LUZP1: variants seen among roughly 807,000 people sequenced by gnomAD.
LUZP1 encodes filamin mechanobinding actin cross-linking protein.
LUZP1 carries 25 observed loss-of-function variants against 71.3 expected under a neutral mutation model. The ratio of observed to expected loss-of-function variants is 0.35; its 90% CI spans 0.26 to 0.49. The LOEUF (loss-of-function observed/expected upper bound fraction) is 0.49. LUZP1 is among the 20% of genes least tolerant of loss of function. The pLI is 0.99. For synonymous variants in LUZP1, 481 were observed against 506.4 expected, an observed-to-expected ratio of 0.95 and a Z score of 0.67; for missense variants, 1,142 against 1,300.8, an observed-to-expected ratio of 0.88 and a Z score of 1.88.
At chr1:23,132,249 A>T (rs1199712857) in intron 2 of LUZP1, among the ~76,000 whole-genome samples, 1 of 152,150 alleles carries the variant, frequency 6.6e-6, no homozygotes, top group Admixed American at 6.5e-5. Flanking sequence ...CTAATTTCTT[A>T]CTTTTTCAAT....
chr1:23,090,770 C>A, intron 4 of LUZP1: 1 of 682,060 alleles, frequency 1.5e-6, no homozygotes. Context: ...TGACCTGGCT[C>A]CCCCTCACTG....
chr1:23,147,486 T>C (rs965704982), intron 2 of LUZP1, among the ~76,000 whole-genome samples: 1 of 150,790 alleles, frequency 6.6e-6, no homozygotes, highest in African/African-American at 2.4e-5. Context: ...TTTAAGAAAG[T>C]TGGCCAAAGC....
At chr1:23,117,834 G>T (rs1319118592) in intron 2 of LUZP1, among the ~76,000 whole-genome samples, 1 of 152,152 alleles carries the variant, frequency 6.6e-6, no homozygotes, top group Non-Finnish European at 1.5e-5. Flanking sequence ...GCTCACGGCT[G>T]TAATCCCAGC....
At chr1:23,135,469 T>C (rs186919049) in intron 2 of LUZP1, among the ~76,000 whole-genome samples, 4 of 152,332 alleles carry the variant, frequency 2.6e-5, no homozygotes, top group East Asian at 1.9e-4. Flanking sequence ...TCCAAGAGAA[T>C]TGTATTTGTG....
intron 2 of LUZP1, among the ~76,000 whole-genome samples, chr1:23,117,489 C>G (rs1557653837): frequency 1.1e-4 from 7 of 66,260 alleles, no homozygotes; most frequent in African/African-American, 2.1e-4. Context: ...CCCCCCCCCC[C>G]CCACAATCAG....
intron 2 of LUZP1, among the ~76,000 whole-genome samples, chr1:23,129,683 C>T (rs758476805): frequency 4.6e-5 from 7 of 152,180 alleles, no homozygotes; most frequent in African/African-American, 1.2e-4. Context: ...CAATCCATCT[C>T]GCAACAAAAT....
exon 4 of LUZP1, chr1:23,092,241 A>T (rs765025015): frequency 5.0e-6 from 8 of 1,613,994 alleles, no homozygotes; most frequent in Non-Finnish European, 5.9e-6. Context: ...GGTTGTATTT[A>T]CCAACTTGGC....
At chr1:23,140,940 T>C (rs1003172800) in intron 2 of LUZP1, 4 of 152,476 alleles carry the variant, frequency 2.6e-5, no homozygotes, top group Admixed American at 2.6e-4. Flanking sequence ...CCCAATCCAA[T>C]GCTCAAGCAC....
intron 2 of LUZP1, among the ~76,000 whole-genome samples, chr1:23,111,377 G>T (rs947931661): frequency 5.3e-5 from 8 of 149,956 alleles, no homozygotes; most frequent in South Asian, 2.1e-4. Flanking sequence ...AACAAAGCAA[G>T]GCCCCCATCT....
Position 23,093,920 on chromosome 1 carries a change from C to G in LUZP1, c.342G>C (p.Gln114His), listed in dbSNP as rs756496173. 6.2e-7 allele frequency: 1 copy of G among 1,614,212 alleles called. No individual in the cohort carries two copies. The highest frequency in any genetic ancestry group is 2.2e-5 in the East Asian group (1 of 44,886). The change falls in exon 4 of 5, where the codon CAG (glutamine) becomes CAC (histidine). Residue 114 changes from glutamine (Q) to histidine (H), a missense_variant. Gln to His is a conservative substitution (Grantham distance 24). Coordinates refer to ENST00000302291, the Ensembl canonical transcript of LUZP1. This position sits in a 1 kb window ranked among gnomAD's most constrained non-coding sequence, Gnocchi z 4.2. ...GCTTCTCTAATTCAGCCATTCGTTT[C>G]TGAAGCCGCTCAATCTCAGATTTCA... is the stretch of plus-strand genomic sequence containing the variant.
exon 2 of LUZP1, chr1:23,168,824 G>C (rs1036286100): frequency 1.3e-5 from 2 of 152,776 alleles, no homozygotes; most frequent in African/African-American, 2.4e-5. Context: ...AGCTGCCAGC[G>C]ACCGGCGCCT....
intron 2 of LUZP1, among the ~76,000 whole-genome samples, chr1:23,150,041 A>C (rs1412797868): frequency 6.6e-6 from 1 of 152,004 alleles, no homozygotes; most frequent in African/African-American, 2.4e-5. Context: ...AAAAGGCAGA[A>C]AATTTTTATT....
intron 3 of LUZP1, among the ~76,000 whole-genome samples, chr1:23,103,902 G>GGGA (rs1643956906): frequency 4.1e-4 from 1 of 2,410 alleles, no homozygotes; most frequent in Non-Finnish European, 1.3e-3. Context: ...GAGGGAGGGA[G>GGGA]GGGGGAAGGA....
At chr1:23,132,485 T>C (rs1644222686) in intron 2 of LUZP1, among the ~76,000 whole-genome samples, 1 of 149,648 alleles carries the variant, frequency 6.7e-6, no homozygotes, top group African/African-American at 2.5e-5. Flanking sequence ...TTATCTACTA[T>C]TGTTCTTCAA....
chr1:23,126,424 C>T (rs1428640076), intron 2 of LUZP1, among the ~76,000 whole-genome samples: 2 of 152,112 alleles, frequency 1.3e-5, no homozygotes, highest in Non-Finnish European at 2.9e-5. Flanking sequence ...TTGGGGCCAG[C>T]CTGAGCAACA....
At chr1:23,172,529 T>C (rs941409001) in intron 1 of LUZP1, among the ~76,000 whole-genome samples, 1 of 151,300 alleles carries the variant, frequency 6.6e-6, no homozygotes, top group Non-Finnish European at 1.5e-5. Context: ...ATTTTTTTTT[T>C]TTTAGACAGA....
chr1:23,164,901 A>G (rs867720159), intron 2 of LUZP1, among the ~76,000 whole-genome samples: 2 of 152,200 alleles, frequency 1.3e-5, no homozygotes, highest in South Asian at 4.1e-4. Flanking sequence ...GTTAAGTTTT[A>G]TATTTCAGGA....
chr1:23,121,900 TACTC>T (rs1339639506), intron 2 of LUZP1, among the ~76,000 whole-genome samples: 1 of 152,122 alleles, frequency 6.6e-6, no homozygotes, highest in African/African-American at 2.4e-5. Flanking sequence ...TAATCTCAGT[TACTC>T]AGGAGGCTGA....
intron 2 of LUZP1, among the ~76,000 whole-genome samples, chr1:23,164,697 C>T (rs1174109455): frequency 2.0e-5 from 3 of 152,170 alleles, no homozygotes; most frequent in Middle Eastern, 3.4e-3. Context: ...CAATCTTCCC[C>T]GCAAGCCACA....
Sources: gnomAD v4.1 joint callset for allele counts (sites outside exome capture counted in the v4.1 genomes callset) on GRCh38, gnomAD v4.1.1 for gene constraint, Gnocchi (gnomAD v3.1) non-coding constraint, MANE v1.5 for transcripts, NCBI Gene and HGNC (gene_info 2026-07-23, HGNC 2026-07-21) for gene names.